ROBO2: variants seen among roughly 807,000 people sequenced by gnomAD.
ROBO2 encodes roundabout homolog 2.
ROBO2 carries 53 observed loss-of-function variants against 160.8 expected under a neutral mutation model. That is an observed-to-expected ratio of 0.33 (90% confidence interval 0.26 to 0.41). ROBO2 has a LOEUF of 0.41. Ranked by LOEUF, ROBO2 falls within the 10% of genes least tolerant of loss-of-function variation. ROBO2 has a pLI of 1.00. For synonymous variants in ROBO2, 664 were observed against 611.7 expected (o/e 1.09, Z -1.26); for missense variants, 1,577 against 1,722.4 (o/e 0.92, Z 1.49).
chr3:77,602,492 G>A lies in ROBO2; in HGVS notation c.3136+1G>A, dbSNP rs1559705128. ...CCTGATCAGAACAAAGGTAACAATGGTGAGTCAGGTTCTTGTGTCCTGAGG... is the reference window on the plus strand; with the variant it reads ...CCTGATCAGAACAAAGGTAACAATGATGAGTCAGGTTCTTGTGTCCTGAGG... On this transcript the variant is annotated splice_donor_variant, in intron 20 of 25. Coordinates refer to ENST00000461745, the Ensembl canonical transcript of ROBO2. LOFTEE classifies it high-confidence loss of function. The A allele has an allele frequency of 1.2e-6, 2 of 1,614,046 alleles. No homozygotes were observed. Among genetic ancestry groups the A allele is most frequent in the East Asian group, 2.2e-5 (1 of 44,872 alleles).
chr3:76,605,646 AGAG>A (rs2109011858), intron 2 of ROBO2, among the ~76,000 whole-genome samples: 1 of 152,292 alleles, frequency 6.6e-6, no homozygotes, highest in Admixed American at 6.5e-5. Context: ...TAAATTGCTT[AGAG>A]GAGGGAGCTG....
chr3:77,413,551 T>G (rs992393672), intron 2 of ROBO2, among the ~76,000 whole-genome samples: 7 of 152,212 alleles, frequency 4.6e-5, no homozygotes, highest in Admixed American at 3.9e-4. Context: ...ATGATCTTGA[T>G]GTTCAGTTGA....
chr3:76,778,235 A>G (rs1014002600), intron 2 of ROBO2, among the ~76,000 whole-genome samples: 11 of 151,086 alleles, frequency 7.3e-5, no homozygotes, highest in African/African-American at 2.2e-4. Flanking sequence ...CACTTCACAT[A>G]AATGTGGTAG....
At chr3:76,537,281 A>G (rs1410469133) in intron 2 of ROBO2, among the ~76,000 whole-genome samples, 1 of 152,102 alleles carries the variant, frequency 6.6e-6, no homozygotes, top group African/African-American at 2.4e-5. Flanking sequence ...CCATTTGCCA[A>G]TTTTTCGACA....
intron 2 of ROBO2, among the ~76,000 whole-genome samples, chr3:76,863,395 G>A (rs6790991): frequency 0.97 from 145,514 of 150,720 alleles, 70,271 homozygotes; most frequent in Middle Eastern, 0.99. Flanking sequence ...CTGTGATTAC[G>A]TCACTCCATT....
chr3:77,188,403 A>C, intron 2 of ROBO2, among the ~76,000 whole-genome samples: 1 of 151,832 alleles, frequency 6.6e-6, no homozygotes, highest in East Asian at 1.9e-4. Context: ...ATGGCCTGTC[A>C]GGATTATGGA....
At chr3:76,914,707 T>C (rs1330680706) in intron 2 of ROBO2, among the ~76,000 whole-genome samples, 1 of 152,184 alleles carries the variant, frequency 6.6e-6, no homozygotes, top group Non-Finnish European at 1.5e-5. Flanking sequence ...ATACAGATAC[T>C]ACTTTTGACT....
At chr3:76,691,801 G>A (rs557985804) in intron 2 of ROBO2, among the ~76,000 whole-genome samples, 4 of 152,216 alleles carry the variant, frequency 2.6e-5, no homozygotes, top group African/African-American at 4.8e-5. Flanking sequence ...TGAAAATGAT[G>A]AGGCAACTAG....
intron 2 of ROBO2, among the ~76,000 whole-genome samples, chr3:76,658,598 G>A (rs1193725382): frequency 6.6e-6 from 1 of 152,002 alleles, no homozygotes. Flanking sequence ...TTGGTTTTCT[G>A]TCTCTGTCTT....
chr3:77,341,524 G>GTTGA (rs2067059104), intron 2 of ROBO2, among the ~76,000 whole-genome samples: 1 of 152,128 alleles, frequency 6.6e-6, no homozygotes, highest in African/African-American at 2.4e-5. Context: ...GAGTCCCATA[G>GTTGA]TTGATGGGAA....
chr3:75,922,768 A>G (rs1276682634), intron 1 of ROBO2, among the ~76,000 whole-genome samples: 1 of 152,308 alleles, frequency 6.6e-6, no homozygotes, highest in African/African-American at 2.4e-5. Flanking sequence ...GTCACTTATG[A>G]ATCTATTTTG....
Position 77,060,020 on chromosome 3 carries a change from A to G in ROBO2, c.61+19174A>G, listed in dbSNP as rs138291775. On this transcript the variant is annotated intron_variant, in intron 1 of 25. Coordinates refer to ENST00000461745, the Ensembl canonical transcript of ROBO2. ...CCTCAGCCAAGGTCATCACAAATCA[A>G]ACCAACTAGTATTTCTATGGAAATA... Among the ~76,000 whole-genome samples the G allele has an allele frequency of 1.5e-4, 23 of 152,286 alleles. No individual in the cohort carries two copies. The East Asian group carries it at 4.2e-3, about 28-fold the overall frequency.
intron 19 of ROBO2, 102 bp downstream of exon 20, chr3:77,596,852 A>C: frequency 1.5e-6 from 2 of 1,339,094 alleles, no homozygotes; most frequent in Admixed American, 1.9e-5. Context: ...GAGAGTATTT[A>C]CTCCCATAAT....
intron 2 of ROBO2, among the ~76,000 whole-genome samples, chr3:76,076,430 T>TA (rs2068648409): frequency 6.6e-6 from 1 of 152,202 alleles, no homozygotes; most frequent in Non-Finnish European, 1.5e-5. Flanking sequence ...TTTAGCATAA[T>TA]ATAAAAAATG....
In ROBO2 at chr3:76,947,311, T is replaced by A. The variant is rs1190552474; in HGVS notation, c.110-150703T>A. On this transcript the variant is annotated intron_variant, in intron 2 of 26. Coordinates refer to the ROBO2 transcript ENST00000487694. ...AATAAGATACCTCTAGAGGCCAGAA[T>A]GTTATTTTTTTCTAAAAGAATTTCA... is the stretch of plus-strand genomic sequence containing the variant. Among the ~76,000 whole-genome samples, 4 of 152,140 alleles carry A rather than the reference T, an allele frequency of 2.6e-5. No individual in the cohort carries two copies. In the East Asian group the frequency reaches 7.7e-4, roughly 29 times the overall value.
chr3:76,316,045 G>A (rs1269288222), intron 2 of ROBO2, among the ~76,000 whole-genome samples: 6 of 152,134 alleles, frequency 3.9e-5, no homozygotes, highest in South Asian at 2.1e-4. Context: ...GGGAGTGTAC[G>A]AACAGGGAGT....
intron 2 of ROBO2, among the ~76,000 whole-genome samples, chr3:76,947,041 C>A (rs1413526421): frequency 4.6e-5 from 7 of 152,096 alleles, no homozygotes; most frequent in African/African-American, 1.7e-4. Flanking sequence ...ACTGTTACTC[C>A]ATCTTGGCTT....
chr3:76,440,320 A>G (rs559444927), intron 2 of ROBO2, among the ~76,000 whole-genome samples: 1 of 152,016 alleles, frequency 6.6e-6, no homozygotes, highest in Non-Finnish European at 1.5e-5. Flanking sequence ...TTACATATGT[A>G]TACATGTGCC....
At chr3:76,110,885 G>A (rs149178268) in intron 2 of ROBO2, among the ~76,000 whole-genome samples, 77 of 152,138 alleles carry the variant, frequency 5.1e-4, no homozygotes, top group African/African-American at 1.9e-3. Flanking sequence ...CCTTACTTTA[G>A]CAAACAGGAA....
Sources: gnomAD v4.1 joint callset for allele counts (sites outside exome capture counted in the v4.1 genomes callset) on GRCh38, gnomAD v4.1.1 for gene constraint, MANE v1.5 for transcripts, NCBI Gene and HGNC (gene_info 2026-07-23, HGNC 2026-07-21) for gene names.